The following RCOR1 variants were observed in gnomAD, a reference collection of about 807,000 sequenced individuals.
RCOR1 encodes REST corepressor 1.
In RCOR1, 12 loss-of-function variants were observed where a neutral mutation model predicts 64.0. That is an observed-to-expected ratio of 0.19 (90% CI 0.12 to 0.30). The LOEUF (loss-of-function observed/expected upper bound fraction) is 0.30, where lower values mean the gene tolerates loss of function less well. Ranked by LOEUF, RCOR1 falls within the 10% of genes least tolerant of loss-of-function variation. The pLI is 1.00. For synonymous variants in RCOR1, 279 were observed against 227.2 expected, an observed-to-expected ratio of 1.23 and a Z score of -2.05; for missense variants, 502 against 621.2, an observed-to-expected ratio of 0.81 and a Z score of 2.04.
At chr14:102,676,801 C>T (rs1186008117) in intron 2 of RCOR1, among the ~76,000 whole-genome samples, 15 of 80,956 alleles carry the variant, frequency 1.9e-4, no homozygotes, top group Middle Eastern at 0.011. Context: ...CCAGTAGGGG[C>T]GGCCGGGCAG....
intron 6 of RCOR1, among the ~76,000 whole-genome samples, chr14:102,710,457 C>A (rs1180996044): frequency 6.6e-6 from 1 of 152,134 alleles, no homozygotes; most frequent in Non-Finnish European, 1.5e-5. Context: ...AAGCCTCAGA[C>A]TTTGTGTGGC....
intron 5 of RCOR1, 27 bp downstream of exon 5, chr14:102,707,539 A>T: frequency 6.4e-7 from 1 of 1,555,370 alleles, no homozygotes; most frequent in African/African-American, 1.4e-5. Context: ...ACTGAGTTCT[A>T]TTTTTTTTCT....
chr14:102,596,290 A>G (rs1284219178), intron 2 of RCOR1, among the ~76,000 whole-genome samples: 1 of 151,980 alleles, frequency 6.6e-6, no homozygotes, highest in Non-Finnish European at 1.5e-5. Context: ...TATAGTAGAG[A>G]CAGGGTTTCT....
At chr14:102,627,290 T>C (rs1893999985) in intron 2 of RCOR1, among the ~76,000 whole-genome samples, 1 of 152,234 alleles carries the variant, frequency 6.6e-6, no homozygotes, top group African/African-American at 2.4e-5. Context: ...TCATCCTTTA[T>C]TTGCATCATC....
intron 2 of RCOR1, 50 bp downstream of exon 2, chr14:102,593,375 G>A: frequency 6.8e-7 from 1 of 1,465,640 alleles, no homozygotes; most frequent in South Asian, 1.3e-5. Context: ...GGGAGCCCCG[G>A]GTCCCCGGCG....
chr14:102,639,822 A>T (rs1190337), intron 2 of RCOR1, among the ~76,000 whole-genome samples: 3,539 of 151,414 alleles, frequency 0.023, 135 homozygotes, highest in African/African-American at 0.076. Flanking sequence ...TGTGACACTG[A>T]GCTCAGCCTA....
Position 102,714,432 on chromosome 14 carries a change from A to G in RCOR1, c.868A>G (p.Thr290Ala). ...TGTGTATATCATGCAGGTTCCCCCTACTGAGACAGTTCCTCAGGTCAAAAA... is the reference window on the plus strand; with the variant it reads ...TGTGTATATCATGCAGGTTCCCCCTGCTGAGACAGTTCCTCAGGTCAAAAA... Reference protein sequence around the residue: ...NKESKKEVPPTETVPQVKKEK... With the variant: ...NKESKKEVPPAETVPQVKKEK... Residue 290 changes from threonine to alanine, a missense_variant, in exon 8 of 12, where the codon ACT becomes GCT. This residue lies in a region of RCOR1 where 260 missense variants were observed against 416.4 expected (regional missense o/e 0.62). Transcript: ENST00000262241. 6.2e-7 allele frequency: 1 copy of G among 1,606,912 alleles called. No homozygotes were observed. The highest frequency in any genetic ancestry group is 8.5e-7 in the Non-Finnish European group (1 of 1,175,686).
intron 2 of RCOR1, among the ~76,000 whole-genome samples, chr14:102,639,463 T>G (rs190676638): frequency 6.0e-4 from 91 of 151,162 alleles, no homozygotes; most frequent in African/African-American, 2.0e-3. Flanking sequence ...CATGTATGCA[T>G]CAGCATGTCT....
chr14:102,602,394 CTTTTTTTTT>C (rs66743592), intron 2 of RCOR1, among the ~76,000 whole-genome samples: 6 of 104,242 alleles, frequency 5.8e-5, no homozygotes, highest in African/African-American at 1.9e-4. Flanking sequence ...CTTTTCTTTT[CTTTTTTTTT>C]TTTTTTTTTT....
intron 2 of RCOR1, among the ~76,000 whole-genome samples, chr14:102,609,244 T>C (rs1349202819): frequency 6.6e-6 from 1 of 151,652 alleles, no homozygotes; most frequent in Non-Finnish European, 1.5e-5. Context: ...TGGAGAAACA[T>C]GTTGGCCAGG....
At chr14:102,637,787 G>A (rs1894276241) in intron 2 of RCOR1, among the ~76,000 whole-genome samples, 2 of 151,992 alleles carry the variant, frequency 1.3e-5, no homozygotes, top group African/African-American at 2.4e-5. Context: ...TAGTTTTTTC[G>A]GTGATGTCAG....
chr14:102,712,739 C>G (rs1310675019), intron 7 of RCOR1, among the ~76,000 whole-genome samples: 1 of 150,292 alleles, frequency 6.7e-6, no homozygotes, highest in Non-Finnish European at 1.5e-5. Flanking sequence ...ATATGAATGC[C>G]CAAATAAGAT....
At chr14:102,690,138 G>GT (rs148213090) in intron 3 of RCOR1, among the ~76,000 whole-genome samples, 3,473 of 152,154 alleles carry the variant, frequency 0.023, 145 homozygotes, top group African/African-American at 0.08. Flanking sequence ...CAAAAGACAA[G>GT]TTTAAGTTAG....
chr14:102,634,202 A>G (rs1050825686), intron 2 of RCOR1, among the ~76,000 whole-genome samples: 13 of 152,206 alleles, frequency 8.5e-5, no homozygotes, highest in Admixed American at 6.5e-4. Context: ...CTCCTTATTA[A>G]TCCTGACTAC....
rs1012523064 is a variant in RCOR1 at position 102,633,486 on chromosome 14, G to T, written c.361+40161G>T. Among the ~76,000 whole-genome samples the T allele has an allele frequency of 2.0e-5, 3 of 151,888 alleles. No individual in the cohort carries two copies. In the East Asian group the frequency reaches 5.8e-4, roughly 29 times the overall value. ...TAGGATTACAGGCTTGAGCCACCAT[G>T]CTTGGCTACCCCATAATTTGAAGGA... On this transcript the variant is annotated intron_variant, in intron 2 of 11. Coordinates refer to ENST00000262241, the MANE Select transcript of RCOR1 (RefSeq NM_015156.4).
chr14:102,655,130 T>C (rs1395840819), intron 2 of RCOR1: 1 of 314,308 alleles, frequency 3.2e-6, no homozygotes, highest in Non-Finnish European at 4.6e-6. Context: ...TTTTTTTTTT[T>C]TTTTTAAGCT....
intron 3 of RCOR1, among the ~76,000 whole-genome samples, chr14:102,693,559 C>T (rs1470511041): frequency 6.6e-6 from 1 of 151,472 alleles, no homozygotes; most frequent in Non-Finnish European, 1.5e-5. Flanking sequence ...GGAGGGCCTG[C>T]CCCTCCCAAC....
intron 2 of RCOR1, among the ~76,000 whole-genome samples, chr14:102,622,961 C>T (rs1208724399): frequency 1.3e-5 from 2 of 152,144 alleles, no homozygotes; most frequent in Non-Finnish European, 2.9e-5. Flanking sequence ...GCCTTAAAGT[C>T]TGCTTTGTCT....
At chr14:102,673,441 A>G (rs1895070853) in intron 2 of RCOR1, among the ~76,000 whole-genome samples, 1 of 148,950 alleles carries the variant, frequency 6.7e-6, no homozygotes, top group East Asian at 2.0e-4. Flanking sequence ...GGTTCACGTC[A>G]TTCTCCTGCC....
Sources: gnomAD v4.1 joint callset for allele counts (sites outside exome capture counted in the v4.1 genomes callset) on GRCh38, gnomAD v4.1.1 for gene constraint, gnomAD v4.1.1 regional missense constraint, MANE v1.5 for transcripts, NCBI Gene and HGNC (gene_info 2026-07-23, HGNC 2026-07-21) for gene names.